The following PCBP3 variants were observed in gnomAD, a reference collection of about 807,000 sequenced individuals.
The protein encoded by PCBP3 is poly(rC)-binding protein 3.
A neutral mutation model predicts 52.7 loss-of-function variants in PCBP3; 25 were observed. The ratio of observed to expected loss-of-function variants is 0.47; its 90% CI spans 0.35 to 0.66. The LOEUF (loss-of-function observed/expected upper bound fraction) is 0.66, where lower values mean the gene tolerates loss of function less well. PCBP3 is among the 30% of genes least tolerant of loss of function. PCBP3 has a pLI of 0.01. For synonymous variants in PCBP3, 162 were observed against 183.0 expected (o/e 0.89, Z 0.93); for missense variants, 391 against 490.3 (o/e 0.80, Z 1.91).
intron 2 of PCBP3, among the ~76,000 whole-genome samples, chr21:45,702,961 A>G (rs1038801362): frequency 2.0e-5 from 3 of 152,012 alleles, no homozygotes; most frequent in Non-Finnish European, 2.9e-5. Flanking sequence ...CATCTTCACT[A>G]CTAGTAGACT....
intron 5 of PCBP3, among the ~76,000 whole-genome samples, chr21:45,874,044 C>T (rs2095148072): frequency 6.6e-6 from 1 of 151,784 alleles, no homozygotes; most frequent in Non-Finnish European, 1.5e-5. Flanking sequence ...GCCACCACGC[C>T]CGGCCCAGGC....
rs2042694477 is a variant in PCBP3 at position 45,737,822 on chromosome 21, G to A, written c.-162+2393G>A. ...TCTCCTCTCGTGGGCTGTGTCGAGTGAGTCCTGCAGCTTCTCGCTGTGAGA... is the reference window on the plus strand; with the variant it reads ...TCTCCTCTCGTGGGCTGTGTCGAGTAAGTCCTGCAGCTTCTCGCTGTGAGA... On this transcript the variant is annotated intron_variant, in intron 3 of 17. Transcript: ENST00000681687. This position sits in a 1 kb window ranked among gnomAD's most constrained non-coding sequence, Gnocchi z 4.9. Among the ~76,000 whole-genome samples, 1 of 152,232 alleles carries A rather than the reference G, an allele frequency of 6.6e-6. No homozygotes were observed. The highest frequency in any genetic ancestry group is 2.4e-5 in the African/African-American group (1 of 41,456).
chr21:45,661,473 A>G (rs1178937356), intron 1 of PCBP3, among the ~76,000 whole-genome samples: 1 of 152,214 alleles, frequency 6.6e-6, no homozygotes, highest in East Asian at 1.9e-4. Context: ...ATGTTGCTGC[A>G]AAGGACATGA....
At chr21:45,710,750 G>A (rs555184306) in intron 2 of PCBP3, among the ~76,000 whole-genome samples, 2 of 152,180 alleles carry the variant, frequency 1.3e-5, no homozygotes, top group Non-Finnish European at 2.9e-5. Context: ...GCCTCACTGA[G>A]GATGGAGTGT....
intron 5 of PCBP3, among the ~76,000 whole-genome samples, chr21:45,886,866 TGG>T (rs2095537018): frequency 2.0e-5 from 3 of 152,126 alleles, no homozygotes; most frequent in African/African-American, 7.2e-5. Flanking sequence ...CACCCCCGCA[TGG>T]GGTTCGGGAG....
In PCBP3 at chr21:45,837,879, A is replaced by G. The variant is rs1054884606; in HGVS notation, c.-125-12082A>G. 1.3e-5 allele frequency among the ~76,000 whole-genome samples: 2 copies of G among 152,172 alleles called. No homozygotes were observed. The highest frequency in any genetic ancestry group is 1.3e-4 in the Admixed American group (2 of 15,290). On this transcript the variant is annotated intron_variant, in intron 4 of 17. Coordinates refer to ENST00000681687, the MANE Select transcript of PCBP3 (RefSeq NM_001384156.1). The surrounding 1 kb of genome is among the most constrained non-coding windows in gnomAD (Gnocchi z 4.1). Reference sequence around the variant, plus strand: ...GCCTTGCAGCTTGCTGTCAATATTCATTGATGGTCATTGCCTGGATGCAGT... The same window carrying G: ...GCCTTGCAGCTTGCTGTCAATATTCGTTGATGGTCATTGCCTGGATGCAGT...
At chr21:45,916,064 A>C (rs917433762) in intron 12 of PCBP3, 5 of 152,318 alleles carry the variant, frequency 3.3e-5, no homozygotes, top group Admixed American at 2.0e-4. Context: ...CCGCGTTTCT[A>C]GCACGACATG....
chr21:45,665,713 C>T (rs575158778), intron 1 of PCBP3, among the ~76,000 whole-genome samples: 93 of 152,254 alleles, frequency 6.1e-4, no homozygotes, highest in Non-Finnish European at 1.2e-3. Flanking sequence ...CGGTACTAAT[C>T]CTACTGAAAC....
chr21:45,733,439 A>G (rs1217244155), intron 2 of PCBP3, among the ~76,000 whole-genome samples: 1 of 152,086 alleles, frequency 6.6e-6, no homozygotes, highest in Non-Finnish European at 1.5e-5. Context: ...GGCGCCCGCC[A>G]TCATGCCTGG....
At chr21:45,798,917 TAGAG>T (rs56876227) in intron 4 of PCBP3, among the ~76,000 whole-genome samples, 16,141 of 135,158 alleles carry the variant, frequency 0.12, 835 homozygotes, top group Middle Eastern at 0.21. Context: ...CATGGATCCA[TAGAG>T]AGAGTGAATG....
At chr21:45,934,823 G>GA (rs560255620) in intron 15 of PCBP3, among the ~76,000 whole-genome samples, 213 of 152,310 alleles carry the variant, frequency 1.4e-3, no homozygotes, top group Non-Finnish European at 1.7e-3. Flanking sequence ...AGAACTAAGG[G>GA]AAAATGGGCA....
At chr21:45,921,880 G>A (rs410902) in intron 13 of PCBP3, among the ~76,000 whole-genome samples, 30,344 of 151,962 alleles carry the variant, frequency 0.2, 3,790 homozygotes, top group Non-Finnish European at 0.28. Context: ...CTCCTCACAC[G>A]CCACATGCAT....
At position 45,817,330 on chromosome 21, in the gene PCBP3, C is replaced by T. The variant is rs911580228; in HGVS notation, c.-125-32631C>T. On this transcript the variant is annotated intron_variant, in intron 4 of 17. Transcript: ENST00000681687. The surrounding 1 kb of genome is among the most constrained non-coding windows in gnomAD (Gnocchi z 4.3). ...CTGTGGCTGTGAGCAGTCCCCGCCT[C>T]GTGGTACCACATGACATTTAGCGTG... 6.6e-6 allele frequency among the ~76,000 whole-genome samples: 1 copy of T among 152,202 alleles called. No homozygotes were observed. Among genetic ancestry groups the T allele is most frequent in the Non-Finnish European group, 1.5e-5 (1 of 68,028 alleles).
intron 4 of PCBP3, among the ~76,000 whole-genome samples, chr21:45,818,143 C>T (rs2093022660): frequency 6.6e-6 from 1 of 152,186 alleles, no homozygotes; most frequent in African/African-American, 2.4e-5. Flanking sequence ...CTGCCTCAGC[C>T]TCCCGAGTAG....
intron 16 of PCBP3, 103 bp from the exon 17 acceptor site, chr21:45,939,927 A>T: frequency 9.4e-7 from 1 of 1,058,856 alleles, no homozygotes; most frequent in Non-Finnish European, 1.4e-6. Flanking sequence ...GCAGAGTCCA[A>T]GGCTGGCGGC....
intron 5 of PCBP3, among the ~76,000 whole-genome samples, chr21:45,857,371 T>C (rs1056396498): frequency 3.9e-5 from 6 of 152,100 alleles, no homozygotes; most frequent in African/African-American, 1.4e-4. Context: ...AACCCTTAGA[T>C]AGGAATATAG....
chr21:45,866,433 AGAG>A (rs1170839323), intron 5 of PCBP3, among the ~76,000 whole-genome samples: 1 of 152,206 alleles, frequency 6.6e-6, no homozygotes, highest in African/African-American at 2.4e-5. Context: ...ATGGAACGTG[AGAG>A]GAGAAGGGGC....
chr21:45,684,055 CAAAA>C (rs71334088), intron 2 of PCBP3, among the ~76,000 whole-genome samples: 5 of 78,470 alleles, frequency 6.4e-5, no homozygotes, highest in African/African-American at 1.5e-4. Context: ...CCCATCTCTA[CAAAA>C]AAAAAAAAAA....
chr21:45,940,919 T>TGGGAC (rs2077400202), intron 17 of PCBP3, among the ~76,000 whole-genome samples: 1 of 152,044 alleles, frequency 6.6e-6, no homozygotes, highest in African/African-American at 2.4e-5. Flanking sequence ...GCTTGTGGGA[T>TGGGAC]GGGACGGGAC....
Sources: allele counts gnomAD v4.1 joint callset (sites outside exome capture counted in the v4.1 genomes callset), GRCh38; gene constraint gnomAD v4.1.1; non-coding constraint Gnocchi (gnomAD v3.1); transcripts MANE v1.5; gene names NCBI Gene and HGNC (gene_info 2026-07-23, HGNC 2026-07-21).